Variants in ST7 observed in about 807,000 individuals in gnomAD.
The protein encoded by ST7 is suppression of tumorigenicity 7, also known as suppressor of tumorigenicity 7 protein.
ST7 carries 28 observed loss-of-function variants against 78.7 expected under a neutral mutation model. The ratio of observed to expected loss-of-function variants is 0.36; its 90% CI spans 0.26 to 0.49. ST7 has a LOEUF of 0.49. ST7 is among the 20% of genes least tolerant of loss of function. The pLI, the probability that ST7 is intolerant of heterozygous loss-of-function variation, is 0.99. For missense variants in ST7, 418 were observed against 696.0 expected (o/e 0.60, Z 4.49); for synonymous variants, 247 against 249.6 (o/e 0.99, Z 0.10).
intron 10 of ST7, among the ~76,000 whole-genome samples, chr7:117,177,213 T>C (rs1196770118): frequency 6.6e-6 from 1 of 152,190 alleles, no homozygotes; most frequent in African/African-American, 2.4e-5. Context: ...GAACAAATGA[T>C]AGACTGTCAG....
intron 1 of ST7, among the ~76,000 whole-genome samples, chr7:116,968,976 G>A (rs1029901225): frequency 4.6e-5 from 7 of 152,166 alleles, no homozygotes; most frequent in Non-Finnish European, 1.0e-4. Flanking sequence ...TATTTTACCT[G>A]TATAGAAAGG....
In ST7 at chr7:117,058,138, A is replaced by T. The variant is rs569409032; in HGVS notation, c.152-41624A>T. On this transcript the variant is annotated intron_variant, in intron 1 of 15. Transcript: ENST00000323984. ...CAGGAATATTGATTAACCTGTGTGA[A>T]TGAGTAGTTGGAAACACATGTGCTT... Among the ~76,000 whole-genome samples, 4 of 152,324 alleles carry T rather than the reference A, an allele frequency of 2.6e-5. No homozygotes were observed. The East Asian group carries it at 7.7e-4, about 29-fold the overall frequency.
At chr7:116,964,081 CAG>C (rs898265000) in intron 1 of ST7, among the ~76,000 whole-genome samples, 44 of 152,164 alleles carry the variant, frequency 2.9e-4, no homozygotes, top group African/African-American at 9.7e-4. Flanking sequence ...ACAGCACAAA[CAG>C]AAACACTCTG....
intron 3 of ST7, chr7:117,128,172 A>G (rs773492089): frequency 1.3e-5 from 2 of 151,878 alleles, no homozygotes; most frequent in African/African-American, 2.4e-5. Flanking sequence ...ATCTTGCAAT[A>G]TTCATGAAGC....
At chr7:117,193,813 C>A (rs1471009576) in intron 12 of ST7, among the ~76,000 whole-genome samples, 1 of 152,232 alleles carries the variant, frequency 6.6e-6, no homozygotes, top group African/African-American at 2.4e-5. Context: ...TAATTGTCAT[C>A]TTCTCTGAGG....
intron 1 of ST7, among the ~76,000 whole-genome samples, chr7:117,050,928 CAAA>C (rs11302280): frequency 1.4e-4 from 16 of 112,168 alleles, no homozygotes; most frequent in Admixed American, 2.6e-4. Flanking sequence ...GACTACGTCT[CAAA>C]AAAAAAAAAA....
chr7:117,101,951 A>G (rs2116817780), intron 2 of ST7, among the ~76,000 whole-genome samples: 1 of 152,346 alleles, frequency 6.6e-6, no homozygotes, highest in Non-Finnish European at 1.5e-5. Flanking sequence ...GGTATATGCG[A>G]TAATTTATAC....
At chr7:117,158,119 C>T (rs890911629) in intron 9 of ST7, among the ~76,000 whole-genome samples, 15 of 152,164 alleles carry the variant, frequency 9.9e-5, no homozygotes, top group Admixed American at 5.2e-4. Context: ...TGCTGTCAGA[C>T]CTTTGATTTT....
At chr7:116,956,713 C>T (rs1330201788) in intron 1 of ST7, 1 of 464,940 alleles carries the variant, frequency 2.2e-6, no homozygotes, top group South Asian at 1.6e-5. Context: ...CTCATTTGAT[C>T]ATATTTTATG....
chr7:117,064,646 T>C (rs930623955), intron 1 of ST7, among the ~76,000 whole-genome samples: 34 of 152,252 alleles, frequency 2.2e-4, no homozygotes, highest in Non-Finnish European at 4.6e-4. Context: ...ACCAATTCTC[T>C]TATTTGTTGC....
At chr7:116,958,077 G>C (rs1390225717) in intron 1 of ST7, among the ~76,000 whole-genome samples, 1 of 151,864 alleles carries the variant, frequency 6.6e-6, no homozygotes, top group Non-Finnish European at 1.5e-5. Context: ...GCCTCAACCT[G>C]CAGGCTCAAG....
intron 12 of ST7, among the ~76,000 whole-genome samples, chr7:117,203,936 G>C (rs746269144): frequency 1.3e-5 from 2 of 152,162 alleles, no homozygotes; most frequent in African/African-American, 4.8e-5. Flanking sequence ...GTGGGCCTTC[G>C]CATATTTTTT....
intron 12 of ST7, 76 bp downstream of exon 12, chr7:117,191,012 A>C: frequency 2.8e-4 from 323 of 1,140,886 alleles, no homozygotes; most frequent in Non-Finnish European, 3.9e-4. Context: ...GTTGTATCTC[A>C]AGTACACCGC....
chr7:117,074,912 T>C (rs181213899), intron 1 of ST7, among the ~76,000 whole-genome samples: 4 of 152,344 alleles, frequency 2.6e-5, no homozygotes, highest in East Asian at 1.9e-4. Context: ...TATAATCTCA[T>C]AGAATAATTT....
At chr7:117,027,228 G>T (rs1270086904) in intron 1 of ST7, among the ~76,000 whole-genome samples, 1 of 152,196 alleles carries the variant, frequency 6.6e-6, no homozygotes. Context: ...TGGATCACAA[G>T]GTCAAGAGTT....
At chr7:117,051,134 T>C (rs369423628) in intron 1 of ST7, among the ~76,000 whole-genome samples, 1 of 152,220 alleles carries the variant, frequency 6.6e-6, no homozygotes, top group Non-Finnish European at 1.5e-5. Flanking sequence ...AAAGTATTCT[T>C]CCTTTCATTA....
chr7:117,008,542 T>C (rs766835891), intron 1 of ST7, among the ~76,000 whole-genome samples: 4 of 152,236 alleles, frequency 2.6e-5, no homozygotes, highest in African/African-American at 9.6e-5. Flanking sequence ...ATTGGAGGTA[T>C]GTGGTTTTCC....
intron 1 of ST7, among the ~76,000 whole-genome samples, chr7:117,077,246 T>C (rs921992254): frequency 3.9e-5 from 6 of 152,140 alleles, no homozygotes; most frequent in African/African-American, 1.4e-4. Context: ...GGGCAGACCA[T>C]GGGCAGTTTA....
chr7:116,970,577 T>C (rs975101085), intron 1 of ST7, among the ~76,000 whole-genome samples: 6 of 152,090 alleles, frequency 3.9e-5, no homozygotes, highest in Admixed American at 3.9e-4. Flanking sequence ...GGAACTAATC[T>C]CATTTACAGA....
Sources: gnomAD v4.1 joint callset for allele counts (sites outside exome capture counted in the v4.1 genomes callset) on GRCh38, gnomAD v4.1.1 for gene constraint, MANE v1.5 for transcripts, NCBI Gene and HGNC (gene_info 2026-07-23, HGNC 2026-07-21) for gene names.